The following IFT74 variants were observed in gnomAD, a reference collection of about 807,000 sequenced individuals.
IFT74 encodes the protein intraflagellar transport protein 74 homolog.
A neutral mutation model predicts 96.7 loss-of-function variants in IFT74; 92 were observed. The ratio of observed to expected loss-of-function variants is 0.95; its 90% CI spans 0.80 to 1.13. The LOEUF (loss-of-function observed/expected upper bound fraction) is 1.13. Ranked by LOEUF, IFT74 falls within the 50% of genes most tolerant of loss-of-function variation. The pLI, the probability that IFT74 is intolerant of heterozygous loss-of-function variation, is 0.00. For missense variants in IFT74, 811 were observed against 698.2 expected (o/e 1.16, Z -1.82); for synonymous variants, 223 against 213.2 (o/e 1.05, Z -0.40).
intron 8 of IFT74, 39 bp downstream of exon 8, chr9:26,990,234 G>A: frequency 9.6e-7 from 1 of 1,038,508 alleles, no homozygotes; most frequent in Non-Finnish European, 1.3e-6. Context: ...TCATAAGTAA[G>A]CTTTATTAGG....
At chr9:26,957,395 T>TC (rs1231493949) in intron 1 of IFT74, among the ~76,000 whole-genome samples, 1 of 152,246 alleles carries the variant, frequency 6.6e-6, no homozygotes, top group Non-Finnish European at 1.5e-5. Context: ...ACCATTTTGA[T>TC]CATACACCGT....
chr9:27,004,909 T>G (rs1828692096), intron 8 of IFT74, among the ~76,000 whole-genome samples: 1 of 152,210 alleles, frequency 6.6e-6, no homozygotes, highest in Non-Finnish European at 1.5e-5. Context: ...GAAGCATTGT[T>G]CTTAATAAAG....
At chr9:26,947,266 T>C (rs908275197) in intron 1 of IFT74, 2 of 549,846 alleles carry the variant, frequency 3.6e-6, no homozygotes, top group Non-Finnish European at 6.3e-6. Flanking sequence ...GAATTCATCA[T>C]CGGCCTCAGC....
At chr9:26,976,393 C>T (rs1224929238) in intron 2 of IFT74, among the ~76,000 whole-genome samples, 2 of 152,218 alleles carry the variant, frequency 1.3e-5, no homozygotes, top group African/African-American at 2.4e-5. Context: ...GTCATGAGAG[C>T]ACACTGAAGA....
At chr9:26,992,847 C>T (rs961418183) in intron 8 of IFT74, among the ~76,000 whole-genome samples, 2 of 152,122 alleles carry the variant, frequency 1.3e-5, no homozygotes, top group Non-Finnish European at 2.9e-5. Flanking sequence ...AATGCCATAC[C>T]TCGAGAAGGC....
In IFT74 at chr9:26,978,208, T is replaced by G. The variant is rs1033605997; in HGVS notation, c.201T>G (p.Val67=). 6.2e-6 allele frequency: 10 copies of G among 1,613,664 alleles called. No homozygotes were observed. The highest frequency in any genetic ancestry group is 2.7e-5 in the African/African-American group (2 of 75,022). The change falls in exon 3 of 20, where the codon GTT becomes GTG. Residue 67 remains valine, a synonymous_variant. Transcript: ENST00000380062. ...GAGTTCTGTCTTCTCAAATCAAAGT[T>G]GCCCATCGCCCTGTAACACAACAAG... is the stretch of plus-strand genomic sequence containing the variant. ...TGGVLSSQIK[V]AHRPVTQQGL... is the part of the protein sequence containing the mutation.
chr9:27,001,065 T>C (rs1453176142), intron 8 of IFT74, among the ~76,000 whole-genome samples: 1 of 152,196 alleles, frequency 6.6e-6, no homozygotes, highest in Non-Finnish European at 1.5e-5. Flanking sequence ...TATTTGTCTT[T>C]CTGTGCTTGG....
At chr9:26,986,152 G>C (rs1827622755) in intron 6 of IFT74, among the ~76,000 whole-genome samples, 1 of 151,950 alleles carries the variant, frequency 6.6e-6, no homozygotes, top group Non-Finnish European at 1.5e-5. Flanking sequence ...AGTGTTACAA[G>C]AAATAAACAT....
At chr9:26,990,834 A>G (rs1214558853) in intron 8 of IFT74, among the ~76,000 whole-genome samples, 1 of 152,202 alleles carries the variant, frequency 6.6e-6, no homozygotes, top group Non-Finnish European at 1.5e-5. Context: ...AACTAGGGAT[A>G]CTCAGATAAA....
At chr9:26,987,311 C>T (rs1334972050) in intron 6 of IFT74, among the ~76,000 whole-genome samples, 1 of 152,002 alleles carries the variant, frequency 6.6e-6, no homozygotes, top group Non-Finnish European at 1.5e-5. Flanking sequence ...AGGCTGATCT[C>T]AAACTCCTGA....
intron 2 of IFT74, among the ~76,000 whole-genome samples, chr9:26,974,394 G>A (rs1172050930): frequency 1.3e-5 from 2 of 152,026 alleles, no homozygotes; most frequent in East Asian, 3.9e-4. Context: ...CGGCCCAAGG[G>A]GATCTTCCAA....
intron 16 of IFT74, among the ~76,000 whole-genome samples, chr9:27,054,639 C>T (rs1164063417): frequency 6.6e-6 from 1 of 152,060 alleles, no homozygotes; most frequent in African/African-American, 2.4e-5. Flanking sequence ...ACTTTGTACC[C>T]CCCAAATCAA....
At chr9:26,978,028 G>A in intron 2 of IFT74, 100 bp from the exon 3 acceptor site, 1 of 929,886 alleles carries the variant, frequency 1.1e-6, no homozygotes. Context: ...AAATCAAGTA[G>A]AATTTTGTTT....
At chr9:27,018,608 T>A (rs1829462072) in intron 11 of IFT74, 39 bp from the exon 12 acceptor site, 1 of 1,193,402 alleles carries the variant, frequency 8.4e-7, no homozygotes, top group Non-Finnish European at 1.2e-6. Flanking sequence ...TACAATGAGT[T>A]ATTTTTTTAA....
chr9:27,014,248 G>C (rs1366033893), intron 10 of IFT74, among the ~76,000 whole-genome samples: 1 of 152,066 alleles, frequency 6.6e-6, no homozygotes, highest in African/African-American at 2.4e-5. Context: ...AGTTTTCTGT[G>C]TCTGGTTGTC....
chr9:27,050,808 A>G (rs1483490918), intron 16 of IFT74, among the ~76,000 whole-genome samples: 2 of 151,970 alleles, frequency 1.3e-5, no homozygotes, highest in African/African-American at 4.8e-5. Flanking sequence ...TGGGTGCAGC[A>G]CACCAGCATG....
intron 10 of IFT74, among the ~76,000 whole-genome samples, chr9:27,014,769 C>T (rs926506995): frequency 1.6e-4 from 25 of 152,004 alleles, no homozygotes; most frequent in African/African-American, 5.1e-4. Flanking sequence ...TCACCATGCC[C>T]GGCTAATTTT....
At chr9:27,055,353 T>G (rs1279983307) in intron 16 of IFT74, among the ~76,000 whole-genome samples, 2 of 152,140 alleles carry the variant, frequency 1.3e-5, no homozygotes, top group Non-Finnish European at 2.9e-5. Flanking sequence ...ACTTAAATGT[T>G]TGTTAGCATG....
At chr9:26,992,235 A>C (rs926660495) in intron 8 of IFT74, among the ~76,000 whole-genome samples, 1 of 152,234 alleles carries the variant, frequency 6.6e-6, no homozygotes, top group East Asian at 1.9e-4. Context: ...AAAGAATGTC[A>C]TAGATTTTTA....
Sources: allele counts gnomAD v4.1 joint callset (sites outside exome capture counted in the v4.1 genomes callset), GRCh38; gene constraint gnomAD v4.1.1; transcripts MANE v1.5; gene names NCBI Gene and HGNC (gene_info 2026-07-23, HGNC 2026-07-21).